CGNL1: variants seen among roughly 807,000 people sequenced by gnomAD.
CGNL1 encodes cingulin-like protein 1.
CGNL1 carries 132 observed loss-of-function variants against 141.2 expected under a neutral mutation model. That is an observed-to-expected ratio of 0.93 (90% CI 0.81 to 1.08). CGNL1 has a LOEUF of 1.08. CGNL1 is among the 50% of genes least tolerant of loss of function. The probability of loss-of-function intolerance (pLI) is 0.00; values close to 1 mark genes in which losing one functional copy is unlikely to be tolerated. For missense variants in CGNL1, 1,870 were observed against 1,588.6 expected (o/e 1.18, Z -3.01); for synonymous variants, 690 against 622.1 (o/e 1.11, Z -1.63).
chr15:57,424,792 C>T (rs949485618), intron 1 of CGNL1, among the ~76,000 whole-genome samples: 2 of 152,294 alleles, frequency 1.3e-5, no homozygotes, highest in South Asian at 4.2e-4. Context: ...TGAGGCATCT[C>T]ATTGTACAAG....
intron 13 of CGNL1, 89 bp downstream of exon 13, chr15:57,528,904 C>G (rs2031789455): frequency 7.1e-7 from 1 of 1,407,526 alleles, no homozygotes; most frequent in Non-Finnish European, 9.6e-7. Flanking sequence ...TCAGCTCAGC[C>G]TTTGGGAAGT....
chr15:57,394,874 G>C (rs2062585633), intron 1 of CGNL1, among the ~76,000 whole-genome samples: 3 of 152,226 alleles, frequency 2.0e-5, no homozygotes, highest in Non-Finnish European at 4.4e-5. Flanking sequence ...TACTTTGGGA[G>C]GCTGAGATGG....
chr15:57,490,513 G>A (rs1387855185), intron 8 of CGNL1, among the ~76,000 whole-genome samples: 1 of 152,120 alleles, frequency 6.6e-6, no homozygotes, highest in East Asian at 1.9e-4. Context: ...AAATAAGGTA[G>A]TATTGGATTA....
At chr15:57,443,024 A>T (rs1388666171) in intron 4 of CGNL1, among the ~76,000 whole-genome samples, 2 of 152,262 alleles carry the variant, frequency 1.3e-5, no homozygotes, top group Non-Finnish European at 2.9e-5. Context: ...GAGGAAAATA[A>T]GAATAGGAAG....
chr15:57,479,404 C>G (rs2063697089), intron 8 of CGNL1, among the ~76,000 whole-genome samples: 1 of 152,052 alleles, frequency 6.6e-6, no homozygotes, highest in Admixed American at 6.5e-5. Context: ...TGGCTCATGC[C>G]TATAATCCTA....
At chr15:57,451,385 A>G in intron 4 of CGNL1, 115 bp from the exon 5 acceptor site, 1 of 695,878 alleles carries the variant, frequency 1.4e-6, no homozygotes, top group Non-Finnish European at 2.4e-6. Context: ...TGGGTCTTAA[A>G]ATGTTTAGTG....
chr15:57,382,660 G>A (rs1435303940), intron 1 of CGNL1, among the ~76,000 whole-genome samples: 2 of 152,042 alleles, frequency 1.3e-5, no homozygotes, highest in Non-Finnish European at 2.9e-5. Context: ...TTTTCCCTTA[G>A]TTTTCTATCT....
rs1340271866 is a variant in CGNL1 at position 57,518,374 on chromosome 15, A to G, written c.2611-19A>G. The G allele has an allele frequency of 6.4e-7, 1 of 1,569,786 alleles. No homozygotes were observed. Among genetic ancestry groups the G allele is most frequent in the Admixed American group, 1.7e-5 (1 of 59,502 alleles). ...ACAGCACACATCTAAGTGCACACTGACCCAGTGTTTCATTGTAGGGAGAAA... is the reference window on the plus strand; with the variant it reads ...ACAGCACACATCTAAGTGCACACTGGCCCAGTGTTTCATTGTAGGGAGAAA... On this transcript the variant is annotated intron_variant, in intron 9 of 18. Coordinates refer to ENST00000281282, the MANE Select transcript of CGNL1 (RefSeq NM_032866.5).
rs1013489261 is a variant in CGNL1, at chr15:57,439,377, A to G, written c.1378A>G (p.Arg460Gly). ...AAHGASCAHS[R>G]PPQPNIDGKV... ...GCACGGGGCTTCATGTGCCCACTCCAGGCCTCCCCAGCCGAACATAGATGG... is the reference window on the plus strand; with the variant it reads ...GCACGGGGCTTCATGTGCCCACTCCGGGCCTCCCCAGCCGAACATAGATGG... The change falls in exon 2 of 19, where the codon AGG becomes GGG. Residue 460 changes from arginine to glycine, a missense_variant. Arg to Gly is a moderately radical substitution (Grantham distance 125, BLOSUM62 -2). Transcript: ENST00000281282. The G allele has an allele frequency of 1.2e-6, 2 of 1,614,162 alleles. No homozygotes were observed. Among genetic ancestry groups the G allele is most frequent in the Non-Finnish European group, 1.7e-6 (2 of 1,180,026 alleles).
chr15:57,409,912 C>A (rs1595673654), intron 1 of CGNL1, among the ~76,000 whole-genome samples: 1 of 152,182 alleles, frequency 6.6e-6, no homozygotes, highest in Non-Finnish European at 1.5e-5. Flanking sequence ...AATTTCTCTG[C>A]AGAGCATCTT....
chr15:57,416,470 T>G (rs1347314542), intron 1 of CGNL1, among the ~76,000 whole-genome samples: 1 of 152,186 alleles, frequency 6.6e-6, no homozygotes, highest in African/African-American at 2.4e-5. Context: ...TCCTTCTACT[T>G]AAGCCAGCAT....
intron 8 of CGNL1, among the ~76,000 whole-genome samples, chr15:57,467,039 C>T (rs1218792954): frequency 1.3e-5 from 2 of 152,096 alleles, no homozygotes; most frequent in Non-Finnish European, 2.9e-5. Flanking sequence ...GATACTCTTG[C>T]CATCCTTCAT....
At chr15:57,378,326 T>G in intron 1 of CGNL1, among the ~76,000 whole-genome samples, 1 of 147,570 alleles carries the variant, frequency 6.8e-6, no homozygotes, top group Admixed American at 6.8e-5. Context: ...CACAAATCAG[T>G]GGTTTTAAGT....
chr15:57,499,639 C>T (rs1444577887), intron 8 of CGNL1, among the ~76,000 whole-genome samples: 1 of 152,202 alleles, frequency 6.6e-6, no homozygotes, highest in East Asian at 1.9e-4. Flanking sequence ...GAATTTTCCA[C>T]AGTGTGACCG....
intron 8 of CGNL1, 52 bp downstream of exon 8, chr15:57,461,944 C>A: frequency 1.5e-6 from 2 of 1,362,902 alleles, no homozygotes; most frequent in African/African-American, 1.4e-5. Flanking sequence ...AAGGGTAAGA[C>A]CCTCTCTCCC....
chr15:57,399,384 C>T (rs940666082), intron 1 of CGNL1, among the ~76,000 whole-genome samples: 2 of 152,150 alleles, frequency 1.3e-5, no homozygotes, highest in Admixed American at 1.3e-4. Context: ...ATTTAATCCC[C>T]AAATTCTAAT....
intron 1 of CGNL1, chr15:57,402,603 C>A (rs1380465923): frequency 6.6e-6 from 1 of 152,240 alleles, no homozygotes; most frequent in East Asian, 1.9e-4. Flanking sequence ...TTGGGTTTTC[C>A]GTTACATGCT....
intron 8 of CGNL1, among the ~76,000 whole-genome samples, chr15:57,498,249 T>TTTC (rs1380238783): frequency 6.9e-6 from 1 of 145,596 alleles, no homozygotes; most frequent in Admixed American, 6.8e-5. Flanking sequence ...GAAACAGTTT[T>TTTC]TTTTTTTTTT....
intron 8 of CGNL1, among the ~76,000 whole-genome samples, chr15:57,472,837 T>C (rs571453178): frequency 9.3e-4 from 142 of 152,258 alleles, no homozygotes; most frequent in African/African-American, 3.2e-3. Context: ...AGAAGGTTTG[T>C]AGGAGGAAAG....
Sources: allele counts gnomAD v4.1 joint callset (sites outside exome capture counted in the v4.1 genomes callset), GRCh38; gene constraint gnomAD v4.1.1; transcripts MANE v1.5; gene names NCBI Gene and HGNC (gene_info 2026-07-23, HGNC 2026-07-21).